The following NEBL variants were observed in gnomAD, a reference collection of about 807,000 sequenced individuals.
The protein encoded by NEBL is nebulette, also known as LIM and SH3 protein 2.
A neutral mutation model predicts 140.2 loss-of-function variants in NEBL; 122 were observed. The ratio of observed to expected loss-of-function variants is 0.87; its 90% CI spans 0.75 to 1.01. The LOEUF is 1.01. Among genes scored for constraint, NEBL ranks in the 50% least tolerant of loss-of-function variants. NEBL has a pLI of 0.00. For missense variants in NEBL, 1,365 were observed against 1,231.3 expected (o/e 1.11, Z -1.62); for synonymous variants, 436 against 398.9 (o/e 1.09, Z -1.11).
chr10:21,070,113 C>G (rs1410505912), intron 2 of NEBL: 1 of 392,036 alleles, frequency 2.6e-6, no homozygotes, highest in Non-Finnish European at 5.1e-6. Context: ...TGCAGGGGGA[C>G]TTTTCGGGAG....
intron 13 of NEBL, among the ~76,000 whole-genome samples, chr10:20,840,041 A>T (rs1332006505): frequency 6.6e-6 from 1 of 152,036 alleles, no homozygotes; most frequent in Non-Finnish European, 1.5e-5. Context: ...TTTGATGCCT[A>T]CCCTAGTTTG....
chr10:21,136,847 AC>A (rs1482721988), intron 2 of NEBL, among the ~76,000 whole-genome samples: 1 of 152,236 alleles, frequency 6.6e-6, no homozygotes, highest in Non-Finnish European at 1.5e-5. Flanking sequence ...AAAATGACTG[AC>A]ATAACTTCTT....
intron 4 of NEBL, among the ~76,000 whole-genome samples, chr10:20,940,597 G>A (rs562996995): frequency 2.1e-5 from 3 of 142,354 alleles, no homozygotes. Flanking sequence ...GAGTAGAACT[G>A]AAGGAAATAG....
At chr10:21,243,379 T>C (rs1011057332) in intron 3 of NEBL, among the ~76,000 whole-genome samples, 11 of 148,770 alleles carry the variant, frequency 7.4e-5, no homozygotes, top group African/African-American at 2.7e-4. Flanking sequence ...CAATCTCAGC[T>C]CACTGCAACC....
rs767585103 is a variant in NEBL, at chr10:21,073,615, G to A, written c.165-53414C>T. Among the ~76,000 whole-genome samples, 91 of 102,992 alleles carry A rather than the reference G, an allele frequency of 8.8e-4. 1 individual carries two copies. Among genetic ancestry groups the A allele is most frequent in the Admixed American group, 1.7e-3 (16 of 9,626 alleles). 67.6% of individuals were successfully genotyped at this position (102,992 alleles called of 152,430 possible). On this transcript the variant is annotated intron_variant, in intron 2 of 6. Transcript: ENST00000417816. The stretch of plus-strand genomic sequence containing the variant: ...CTGGGTGACAGAGCAAGACTCTGTC[G>A]TCAAAAAAAAAAAAAAAAAAAAGTC...
chr10:21,161,998 C>T (rs943211325), intron 2 of NEBL, among the ~76,000 whole-genome samples: 3 of 152,084 alleles, frequency 2.0e-5, no homozygotes, highest in Non-Finnish European at 4.4e-5. Context: ...GGCTTTGAGC[C>T]GGATGAGATC....
At chr10:20,867,303 G>T (rs191534601) in intron 7 of NEBL, among the ~76,000 whole-genome samples, 2 of 152,000 alleles carry the variant, frequency 1.3e-5, no homozygotes, top group Non-Finnish European at 2.9e-5. Context: ...AGAATAGTAC[G>T]TCTTTTCATT....
At chr10:20,898,694 C>CA (rs1189341878), upstream of NEBL, among the ~76,000 whole-genome samples, 3 of 152,098 alleles carry the variant, frequency 2.0e-5, no homozygotes, top group Admixed American at 1.3e-4. Flanking sequence ...GACCTTCAAC[C>CA]AAAAAACCTG....
intron 4 of NEBL, among the ~76,000 whole-genome samples, chr10:20,952,623 G>A (rs1458201352): frequency 6.6e-6 from 1 of 152,024 alleles, no homozygotes; most frequent in African/African-American, 2.4e-5. Context: ...TAGCTCATCT[G>A]TCAGGGTACA....
intron 3 of NEBL, among the ~76,000 whole-genome samples, chr10:21,216,445 G>A (rs1841993891): frequency 6.6e-6 from 1 of 152,046 alleles, no homozygotes; most frequent in South Asian, 2.1e-4. Flanking sequence ...CACGAGGTCC[G>A]GAGTTCAAGA....
chr10:21,121,146 A>T (rs1838554511), intron 2 of NEBL, among the ~76,000 whole-genome samples: 1 of 152,176 alleles, frequency 6.6e-6, no homozygotes, highest in South Asian at 2.1e-4. Context: ...AAATGCCTTA[A>T]AATTATACTC....
At chr10:21,220,168 C>T (rs1004673246) in intron 3 of NEBL, among the ~76,000 whole-genome samples, 1 of 152,136 alleles carries the variant, frequency 6.6e-6, no homozygotes, top group Admixed American at 6.6e-5. Context: ...CCATCTTGGC[C>T]TCCCGAAGTG....
At chr10:20,983,963 A>G (rs11012459) in intron 3 of NEBL, among the ~76,000 whole-genome samples, 22,243 of 152,200 alleles carry the variant, frequency 0.15, 3,116 homozygotes, top group East Asian at 0.38. Flanking sequence ...TGACCCTAAT[A>G]TATCTATTTT....
chr10:21,257,916 A>AACACAC (rs10660140), intron 1 of NEBL, among the ~76,000 whole-genome samples: 5 of 150,542 alleles, frequency 3.3e-5, no homozygotes, highest in African/African-American at 1.2e-4. Context: ...AAAACATCAA[A>AACACAC]ACACACACAC....
chr10:20,870,154 C>T (rs912048222), intron 5 of NEBL, among the ~76,000 whole-genome samples: 2 of 151,612 alleles, frequency 1.3e-5, no homozygotes, highest in Non-Finnish European at 2.9e-5. Context: ...TGGTGAAACC[C>T]CATCTCTACT....
chr10:21,174,973 G>T (rs1000596203), upstream of NEBL: 1 of 152,190 alleles, frequency 6.6e-6, no homozygotes, highest in African/African-American at 2.4e-5. Flanking sequence ...ACACCGCAAA[G>T]ATCTGGGAAA....
In NEBL at chr10:21,193,072, A is replaced by G. The variant is rs1469372111; in HGVS notation, n.349-20595T>C. Among the ~76,000 whole-genome samples, 7 of 152,172 alleles carry G rather than the reference A, an allele frequency of 4.6e-5. No individual in the cohort carries two copies. The South Asian group carries it at 6.2e-4, about 13-fold the overall frequency. ...GTCAGGAGGGAACAGAGCACTGCAGACAGAGGGAAGAGCGTGTTCAAATGC... is the reference window on the plus strand; with the variant it reads ...GTCAGGAGGGAACAGAGCACTGCAGGCAGAGGGAAGAGCGTGTTCAAATGC... On this transcript the variant is annotated intron_variant and non_coding_transcript_variant, in intron 3 of 8. Coordinates refer to the NEBL transcript ENST00000675702.
At chr10:20,899,443 T>C, upstream of NEBL, 2 of 1,296,770 alleles carry the variant, frequency 1.5e-6, no homozygotes, top group Admixed American at 2.4e-5. Flanking sequence ...TAGGGACTCT[T>C]CACTGTGCTG....
intron 1 of NEBL, among the ~76,000 whole-genome samples, chr10:21,265,198 C>G (rs890962307): frequency 7.9e-5 from 12 of 152,156 alleles, no homozygotes; most frequent in African/African-American, 2.4e-4. Context: ...GCTGGGATTA[C>G]AGGTGTGAGC....
Sources: gnomAD v4.1 joint callset for allele counts (sites outside exome capture counted in the v4.1 genomes callset) on GRCh38, gnomAD v4.1.1 for gene constraint, MANE v1.5 for transcripts, NCBI Gene and HGNC (gene_info 2026-07-23, HGNC 2026-07-21) for gene names.